PLA2R1: variants seen among roughly 807,000 people sequenced by gnomAD.
PLA2R1 encodes secretory phospholipase A2 receptor.
Under a neutral mutation model 195.9 loss-of-function variants are expected in PLA2R1, and 158 were observed. The ratio of observed to expected loss-of-function variants is 0.81; its 90% CI spans 0.71 to 0.92. The LOEUF (loss-of-function observed/expected upper bound fraction) is 0.92. Among genes scored for constraint, PLA2R1 ranks in the 40% least tolerant of loss-of-function variants. The pLI is 0.00. For synonymous variants in PLA2R1, 586 were observed against 598.2 expected, an observed-to-expected ratio of 0.98 and a Z score of 0.30; for missense variants, 1,626 against 1,764.6, an observed-to-expected ratio of 0.92 and a Z score of 1.41.
At chr2:160,007,947 G>T (rs1462174443) in intron 10 of PLA2R1, among the ~76,000 whole-genome samples, 2 of 152,208 alleles carry the variant, frequency 1.3e-5, no homozygotes, top group African/African-American at 2.4e-5. Flanking sequence ...ATCGTGAAAA[G>T]AAACCAAGTT....
At chr2:160,038,970 G>A (rs1310297261) in intron 3 of PLA2R1, among the ~76,000 whole-genome samples, 1 of 152,038 alleles carries the variant, frequency 6.6e-6, no homozygotes, top group Non-Finnish European at 1.5e-5. Flanking sequence ...GGGTTCAAGC[G>A]ATTCTTCTGC....
chr2:160,006,696 A>C (rs1692009451), intron 10 of PLA2R1, among the ~76,000 whole-genome samples: 1 of 152,242 alleles, frequency 6.6e-6, no homozygotes, highest in Non-Finnish European at 1.5e-5. Context: ...TAGAAGAAGC[A>C]CATTTGAAAC....
intron 20 of PLA2R1, among the ~76,000 whole-genome samples, chr2:159,961,014 C>T (rs902442211): frequency 2.6e-5 from 4 of 152,196 alleles, no homozygotes; most frequent in Non-Finnish European, 5.9e-5. Context: ...AACCATCCCA[C>T]CGCTCTCAGC....
At chr2:159,992,368 C>G (rs1176425650) in intron 11 of PLA2R1, among the ~76,000 whole-genome samples, 2 of 150,462 alleles carry the variant, frequency 1.3e-5, no homozygotes, top group African/African-American at 4.9e-5. Flanking sequence ...TATACACCAA[C>G]AACAGACAAA....
At chr2:160,020,312 G>A in intron 7 of PLA2R1, 49 bp from the exon 8 acceptor site, 1 of 1,330,850 alleles carries the variant, frequency 7.5e-7, no homozygotes. Flanking sequence ...TATTTGCAAA[G>A]GAGATAACAC....
rs543662307 is a variant in PLA2R1, at chr2:159,987,994, G to C, written c.1835-636C>G. 3.3e-5 allele frequency among the ~76,000 whole-genome samples: 5 copies of C among 152,254 alleles called. No homozygotes were observed. In the South Asian group the frequency reaches 1.0e-3, roughly 32 times the overall value. On this transcript the variant is annotated intron_variant, in intron 11 of 29. Transcript: ENST00000283243. ...TCCCTCCCACCTTCATAGTATATGT[G>C]AGATATTGGAAAATGTGATATACTA...
At chr2:160,026,838 G>T (rs1381160952) in intron 6 of PLA2R1, among the ~76,000 whole-genome samples, 1 of 152,102 alleles carries the variant, frequency 6.6e-6, no homozygotes, top group East Asian at 1.9e-4. Flanking sequence ...AATCCTTTTT[G>T]AACTTGGAAT....
rs560308864 is a variant in PLA2R1 at position 159,983,653 on chromosome 2, T to C, written c.2183+275A>G. The stretch of plus-strand genomic sequence containing the variant: ...CTTTGAAAACCATTGGGGTAGATAA[T>C]TCCTGAGTTTGGCAGGAAAGCTCTA... On this transcript the variant is annotated intron_variant, in intron 13 of 29. Transcript: ENST00000283243. Among the ~76,000 whole-genome samples, 14 of 152,208 alleles carry C rather than the reference T, an allele frequency of 9.2e-5. 1 individual carries two copies. Among genetic ancestry groups the C allele is most frequent in the African/African-American group, 3.1e-4 (13 of 41,542 alleles).
chr2:159,982,805 C>A (rs1690048514), intron 13 of PLA2R1, among the ~76,000 whole-genome samples: 1 of 152,186 alleles, frequency 6.6e-6, no homozygotes, highest in Non-Finnish European at 1.5e-5. Context: ...GCCAGTGTTT[C>A]ATTGAGACTC....
In PLA2R1 at chr2:159,953,197, G is replaced by T. The variant is rs60835888; in HGVS notation, c.3302-1619C>A. 3.9e-3 allele frequency among the ~76,000 whole-genome samples: 599 copies of T among 152,274 alleles called. 5 individuals carry two copies. Among genetic ancestry groups the T allele is most frequent in the African/African-American group, 0.014 (582 of 41,566 alleles). ...TTGATTCCATTAAGTTTCAAAACAA[G>T]TGATTTTGAGCAGCATGGTTTTGCC... On this transcript the variant is annotated intron_variant, in intron 23 of 29. Transcript: ENST00000283243.
rs763587276 is a variant in PLA2R1, at chr2:159,955,300, C to T, written c.3200G>A (p.Cys1067Tyr). 3 of 1,604,146 alleles carry T rather than the reference C, an allele frequency of 1.9e-6. No individual in the cohort carries two copies. The highest frequency in any genetic ancestry group is 2.6e-6 in the Non-Finnish European group (3 of 1,172,016). ...TTEVQKHIPL[C>Y]ALLSSNPNFH... ...ATTAGGATTACTTGAGAGTAAGGCA[C>T]AGAGAGGAATGTGTTTCTGAACTTC... Residue 1067 changes from cysteine to tyrosine, a missense_variant, in exon 23 of 30, where the codon TGT (cysteine) becomes TAT (tyrosine). Physicochemically the swap from Cys to Tyr is radical, Grantham distance 194. Coordinates refer to ENST00000283243, the MANE Select transcript of PLA2R1 (RefSeq NM_007366.5).
intron 3 of PLA2R1, among the ~76,000 whole-genome samples, chr2:160,041,428 C>T (rs1055475563): frequency 6.6e-6 from 1 of 151,846 alleles, no homozygotes; most frequent in Admixed American, 6.6e-5. Context: ...TAGAACATTG[C>T]CACTGCCATT....
intron 1 of PLA2R1, among the ~76,000 whole-genome samples, chr2:160,057,225 G>T (rs1695608912): frequency 6.6e-6 from 1 of 152,158 alleles, no homozygotes; most frequent in African/African-American, 2.4e-5. Context: ...GAACAACCAA[G>T]CAGGAACCAC....
At chr2:160,035,983 C>A (rs938938426) in intron 3 of PLA2R1, among the ~76,000 whole-genome samples, 24 of 152,196 alleles carry the variant, frequency 1.6e-4, no homozygotes, top group African/African-American at 5.5e-4. Flanking sequence ...CTTCCCATGC[C>A]TGGCTACCCT....
chr2:159,929,929 C>T (rs181938283), downstream of PLA2R1, among the ~76,000 whole-genome samples: 56 of 151,822 alleles, frequency 3.7e-4, no homozygotes, highest in Admixed American at 5.3e-4. Flanking sequence ...TAATGGCATT[C>T]GCAGTGACCT....
chr2:160,000,293 T>C (rs778711076), intron 11 of PLA2R1, among the ~76,000 whole-genome samples: 2 of 152,160 alleles, frequency 1.3e-5, no homozygotes, highest in Non-Finnish European at 2.9e-5. Context: ...TGGGAGTGAA[T>C]AATAAGAAAA....
intron 1 of PLA2R1, among the ~76,000 whole-genome samples, chr2:160,054,125 T>TGCAGATGGGTTTAATAGTAATG (rs1695392442): frequency 6.6e-6 from 1 of 152,204 alleles, no homozygotes; most frequent in Non-Finnish European, 1.5e-5. Context: ...GGTTTTCCCA[T>TGCAGATGGGTTTAATAGTAATG]CTGCACAATG....
chr2:159,927,559 T>C (rs1466112288), downstream of PLA2R1, among the ~76,000 whole-genome samples: 1 of 152,222 alleles, frequency 6.6e-6, no homozygotes, highest in Non-Finnish European at 1.5e-5. Flanking sequence ...TGATTCTCCC[T>C]TCTGTACTCC....
intron 8 of PLA2R1, among the ~76,000 whole-genome samples, chr2:160,019,861 G>A (rs557706950): frequency 3.3e-5 from 5 of 152,170 alleles, no homozygotes; most frequent in Admixed American, 6.5e-5. Flanking sequence ...AATGCTTTCT[G>A]TGGCTGTCCT....
Sources: allele counts gnomAD v4.1 joint callset (sites outside exome capture counted in the v4.1 genomes callset), GRCh38; gene constraint gnomAD v4.1.1; transcripts MANE v1.5; gene names NCBI Gene and HGNC (gene_info 2026-07-23, HGNC 2026-07-21).